JAZF1: variants seen among roughly 807,000 people sequenced by gnomAD.
JAZF1 encodes JAZF zinc finger 1.
In JAZF1, 8 loss-of-function variants were observed where a neutral mutation model predicts 26.4. The ratio of observed to expected loss-of-function variants is 0.30; its 90% confidence interval spans 0.18 to 0.55. JAZF1 has a LOEUF of 0.55. Ranked by LOEUF, JAZF1 falls within the 20% of genes least tolerant of loss-of-function variation. The pLI, the probability that JAZF1 is intolerant of heterozygous loss-of-function variation, is 0.94. For synonymous variants in JAZF1, 126 were observed against 122.3 expected (o/e 1.03, Z -0.20); for missense variants, 199 against 322.0 (o/e 0.62, Z 2.92).
chr7:27,905,636 G>A (rs1022116508), intron 2 of JAZF1, among the ~76,000 whole-genome samples: 2 of 148,972 alleles, frequency 1.3e-5, no homozygotes, highest in African/African-American at 5.0e-5. Flanking sequence ...GTATATTATA[G>A]TTTGGATATT....
intron 1 of JAZF1, among the ~76,000 whole-genome samples, chr7:28,116,085 A>C (rs1387757113): frequency 6.6e-6 from 1 of 152,214 alleles, no homozygotes; most frequent in Non-Finnish European, 1.5e-5. Flanking sequence ...AGTCTTTTCT[A>C]TTATAAACAA....
At chr7:28,166,074 G>A (rs1783363218) in intron 1 of JAZF1, among the ~76,000 whole-genome samples, 1 of 152,002 alleles carries the variant, frequency 6.6e-6, no homozygotes, top group Admixed American at 6.6e-5. Context: ...GAACCCATGA[G>A]AAGGGAGAAG....
chr7:27,890,202 T>C (rs951003926), intron 3 of JAZF1, among the ~76,000 whole-genome samples: 1 of 152,216 alleles, frequency 6.6e-6, no homozygotes, highest in Non-Finnish European at 1.5e-5. Context: ...GGTCCTGATA[T>C]GTAGCATTTG....
chr7:27,956,197 A>C (rs979505719), intron 2 of JAZF1, among the ~76,000 whole-genome samples: 1 of 152,160 alleles, frequency 6.6e-6, no homozygotes, highest in African/African-American at 2.4e-5. Flanking sequence ...TCTGTCATGA[A>C]GCACAGGGAG....
chr7:27,932,204 G>A (rs914601662), intron 2 of JAZF1, among the ~76,000 whole-genome samples: 12 of 152,192 alleles, frequency 7.9e-5, no homozygotes, highest in Admixed American at 6.5e-5. Flanking sequence ...ATCTGGAGTT[G>A]GATAGGACTA....
At chr7:28,061,154 T>C (rs1176447733) in intron 1 of JAZF1, among the ~76,000 whole-genome samples, 1 of 152,246 alleles carries the variant, frequency 6.6e-6, no homozygotes, top group Non-Finnish European at 1.5e-5. Flanking sequence ...TCAAATGAGT[T>C]AGTGCAGTAA....
At chr7:27,969,880 TC>T (rs1165633594) in intron 2 of JAZF1, among the ~76,000 whole-genome samples, 5 of 152,228 alleles carry the variant, frequency 3.3e-5, no homozygotes, top group African/African-American at 1.2e-4. Flanking sequence ...TCATCTAGCA[TC>T]TTTTTACCTT....
At chr7:28,019,608 A>C (rs1782968769) in intron 1 of JAZF1, among the ~76,000 whole-genome samples, 1 of 152,062 alleles carries the variant, frequency 6.6e-6, no homozygotes, top group Admixed American at 6.6e-5. Flanking sequence ...AGCTGAATTT[A>C]CATGTCTTTT....
At chr7:28,123,832 C>T (rs986217585) in intron 1 of JAZF1, among the ~76,000 whole-genome samples, 1 of 152,124 alleles carries the variant, frequency 6.6e-6, no homozygotes, top group Admixed American at 6.5e-5. Context: ...GGTAGAAATA[C>T]TAACCAAAAA....
chr7:27,867,635 C>T (rs780226563), intron 3 of JAZF1, among the ~76,000 whole-genome samples: 7 of 152,172 alleles, frequency 4.6e-5, no homozygotes, highest in Non-Finnish European at 1.0e-4. Context: ...AAACGTTATG[C>T]GGGTGACAAA....
rs368867524 is a variant in JAZF1 at position 27,987,285 on chromosome 7, G to A, written c.188+4624C>T. 1.7e-4 allele frequency among the ~76,000 whole-genome samples: 25 copies of A among 151,202 alleles called. 1 individual carries two copies. The East Asian group carries it at 4.1e-3, about 25-fold the overall frequency. On this transcript the variant is annotated intron_variant, in intron 2 of 4. Coordinates refer to ENST00000283928, the MANE Select transcript of JAZF1 (RefSeq NM_175061.4). ...CCCCGACGCCCCGTCTGGGATGTGA[G>A]GAGTGCCTCTGCCCGGCTGCGACCC...
intron 1 of JAZF1, among the ~76,000 whole-genome samples, chr7:28,028,828 C>G (rs932745170): frequency 3.3e-5 from 5 of 152,074 alleles, no homozygotes; most frequent in African/African-American, 1.2e-4. Context: ...AAAATCCTTG[C>G]CATTATGGAC....
intron 2 of JAZF1, among the ~76,000 whole-genome samples, chr7:27,927,706 T>C (rs921117233): frequency 6.6e-6 from 1 of 152,010 alleles, no homozygotes; most frequent in Non-Finnish European, 1.5e-5. Flanking sequence ...TATTGCAATA[T>C]AAAAATATAA....
At chr7:28,058,136 T>C (rs1783742585) in intron 1 of JAZF1, among the ~76,000 whole-genome samples, 1 of 152,176 alleles carries the variant, frequency 6.6e-6, no homozygotes, top group South Asian at 2.1e-4. Context: ...GCGGTGGTAC[T>C]GATCCTGGTG....
intron 2 of JAZF1, among the ~76,000 whole-genome samples, chr7:27,917,771 G>A (rs1462841326): frequency 2.0e-5 from 3 of 152,112 alleles, no homozygotes; most frequent in Non-Finnish European, 4.4e-5. Context: ...TAAGATCCCT[G>A]GAAGGTAAGC....
chr7:27,878,931 G>A (rs1783724396), intron 3 of JAZF1, among the ~76,000 whole-genome samples: 1 of 152,074 alleles, frequency 6.6e-6, no homozygotes, highest in Non-Finnish European at 1.5e-5. Context: ...TATTATTTTT[G>A]TTGATCTGTT....
chr7:28,099,459 A>G (rs1431478750), intron 1 of JAZF1, among the ~76,000 whole-genome samples: 1 of 151,948 alleles, frequency 6.6e-6, no homozygotes, highest in Non-Finnish European at 1.5e-5. Context: ...AGGAGTATGC[A>G]AGATGGAACA....
intron 1 of JAZF1, among the ~76,000 whole-genome samples, chr7:28,171,963 T>C (rs1353495274): frequency 6.6e-6 from 1 of 152,174 alleles, no homozygotes; most frequent in South Asian, 2.1e-4. Context: ...TTATAAAATG[T>C]TTACAAAAGT....
intron 2 of JAZF1, among the ~76,000 whole-genome samples, chr7:27,948,503 C>A (rs530171837): frequency 6.6e-6 from 1 of 152,170 alleles, no homozygotes; most frequent in African/African-American, 2.4e-5. Context: ...GAAAATGAGA[C>A]CAAATCAAAA....
Sources: gnomAD v4.1 joint callset for allele counts (sites outside exome capture counted in the v4.1 genomes callset) on GRCh38, gnomAD v4.1.1 for gene constraint, MANE v1.5 for transcripts, NCBI Gene and HGNC (gene_info 2026-07-23, HGNC 2026-07-21) for gene names.